The following ST6GALNAC3 variants were observed in gnomAD, a reference collection of about 807,000 sequenced individuals.
ST6GALNAC3 encodes the protein alpha-N-acetylgalactosaminide alpha-2,6-sialyltransferase 3.
In ST6GALNAC3, 25 loss-of-function variants were observed where a neutral mutation model predicts 32.7. The ratio of observed to expected loss-of-function variants is 0.76; its 90% confidence interval spans 0.56 to 1.07. ST6GALNAC3 has a LOEUF of 1.07. Ranked by LOEUF, ST6GALNAC3 falls within the 50% of genes least tolerant of loss-of-function variation. The pLI is 0.00. For missense variants in ST6GALNAC3, 355 were observed against 382.4 expected, an observed-to-expected ratio of 0.93 and a Z score of 0.60; for synonymous variants, 129 against 133.1, an observed-to-expected ratio of 0.97 and a Z score of 0.21.
chr1:76,092,803 G>A (rs548238916), intron 1 of ST6GALNAC3, among the ~76,000 whole-genome samples: 31 of 152,322 alleles, frequency 2.0e-4, no homozygotes, highest in African/African-American at 7.5e-4. Flanking sequence ...ATGGTGAGCA[G>A]CAGAGTTGAG....
intron 1 of ST6GALNAC3, among the ~76,000 whole-genome samples, chr1:76,160,500 C>T (rs1651739290): frequency 6.6e-6 from 1 of 152,106 alleles, no homozygotes; most frequent in Admixed American, 6.6e-5. Context: ...GGGGTTGGTG[C>T]TTCACAGAGT....
At chr1:76,220,947 G>C (rs761812665) in intron 1 of ST6GALNAC3, among the ~76,000 whole-genome samples, 4 of 152,170 alleles carry the variant, frequency 2.6e-5, no homozygotes, top group Non-Finnish European at 5.9e-5. Flanking sequence ...GGTAACAGTT[G>C]TCACATAGGT....
intron 3 of ST6GALNAC3, among the ~76,000 whole-genome samples, chr1:76,598,352 G>A (rs1647171145): frequency 6.6e-6 from 1 of 152,100 alleles, no homozygotes; most frequent in Non-Finnish European, 1.5e-5. Context: ...CAGACTCCAG[G>A]AGAGCAGGGA....
intron 3 of ST6GALNAC3, among the ~76,000 whole-genome samples, chr1:76,494,300 C>T (rs1371513750): frequency 1.3e-5 from 2 of 150,856 alleles, no homozygotes; most frequent in Admixed American, 6.6e-5. Flanking sequence ...GTTGGAGGAA[C>T]GTTTGATTTT....
chr1:76,599,474 G>A (rs1012146191), intron 3 of ST6GALNAC3, among the ~76,000 whole-genome samples: 13 of 150,026 alleles, frequency 8.7e-5, no homozygotes, highest in Non-Finnish European at 1.8e-4. Context: ...ACAGGCCCCA[G>A]TGTGTGATGT....
At chr1:76,128,262 A>C (rs534279051) in intron 1 of ST6GALNAC3, among the ~76,000 whole-genome samples, 2 of 152,214 alleles carry the variant, frequency 1.3e-5, no homozygotes, top group Non-Finnish European at 2.9e-5. Context: ...CCAGTCTCCC[A>C]TGGTTAGCAG....
At chr1:76,110,738 A>G (rs1182796543) in intron 1 of ST6GALNAC3, among the ~76,000 whole-genome samples, 1 of 152,250 alleles carries the variant, frequency 6.6e-6, no homozygotes. Context: ...AACAAGTTCA[A>G]TATAAAATGG....
chr1:76,437,726 C>T (rs1656251778), intron 3 of ST6GALNAC3, among the ~76,000 whole-genome samples: 1 of 151,712 alleles, frequency 6.6e-6, no homozygotes, highest in Non-Finnish European at 1.5e-5. Context: ...TACAGGCACG[C>T]ACCACTACGC....
chr1:76,290,626 G>T (rs529580073), intron 1 of ST6GALNAC3, among the ~76,000 whole-genome samples: 2 of 152,164 alleles, frequency 1.3e-5, no homozygotes, highest in Non-Finnish European at 2.9e-5. Context: ...TGAATAGCAT[G>T]TCCAGGACCA....
At chr1:76,278,491 G>A (rs1263978977) in intron 1 of ST6GALNAC3, among the ~76,000 whole-genome samples, 4 of 150,856 alleles carry the variant, frequency 2.7e-5, no homozygotes, top group African/African-American at 9.7e-5. Context: ...AAAGTACTGG[G>A]ATTATAGGCT....
intron 1 of ST6GALNAC3, among the ~76,000 whole-genome samples, chr1:76,252,490 C>T (rs1196136038): frequency 6.6e-6 from 1 of 152,092 alleles, no homozygotes; most frequent in Non-Finnish European, 1.5e-5. Flanking sequence ...TCTAACCAGC[C>T]TGGGAAAATA....
At chr1:76,354,586 T>C (rs185946539) in intron 2 of ST6GALNAC3, among the ~76,000 whole-genome samples, 2 of 152,340 alleles carry the variant, frequency 1.3e-5, no homozygotes, top group Admixed American at 6.5e-5. Flanking sequence ...GATGGGTTGG[T>C]TGGTTGGCTT....
At chr1:76,308,395 C>T in intron 1 of ST6GALNAC3, among the ~76,000 whole-genome samples, 1 of 152,092 alleles carries the variant, frequency 6.6e-6, no homozygotes, top group East Asian at 1.9e-4. Flanking sequence ...GTTTATATTG[C>T]ATATATGCCA....
At chr1:76,091,126 A>G (rs574401903) in intron 1 of ST6GALNAC3, among the ~76,000 whole-genome samples, 13 of 152,350 alleles carry the variant, frequency 8.5e-5, no homozygotes, top group Admixed American at 2.6e-4. Context: ...CTGGGCTAGG[A>G]TCTTGCACTG....
chr1:76,114,356 T>C (rs1179089463), intron 1 of ST6GALNAC3, among the ~76,000 whole-genome samples: 1 of 152,184 alleles, frequency 6.6e-6, no homozygotes, highest in Non-Finnish European at 1.5e-5. Context: ...TGAAATTCAT[T>C]ACTAATGTAG....
intron 3 of ST6GALNAC3, among the ~76,000 whole-genome samples, chr1:76,530,213 C>A (rs1663170148): frequency 6.6e-6 from 1 of 152,098 alleles, no homozygotes; most frequent in African/African-American, 2.4e-5. Flanking sequence ...TATTTCCGTT[C>A]TTCTGGTAAT....
intron 2 of ST6GALNAC3, among the ~76,000 whole-genome samples, chr1:76,347,156 G>A (rs1648590246): frequency 1.3e-5 from 2 of 152,184 alleles, no homozygotes; most frequent in South Asian, 4.1e-4. Flanking sequence ...CCTCTGCAAA[G>A]TTGATGTTAG....
At chr1:76,094,602 C>G (rs909175196) in intron 1 of ST6GALNAC3, among the ~76,000 whole-genome samples, 5 of 152,132 alleles carry the variant, frequency 3.3e-5, no homozygotes, top group African/African-American at 9.7e-5. Flanking sequence ...AACCTGTGTT[C>G]TTGATGGCAA....
chr1:76,098,769 T>C (rs2100768919), intron 1 of ST6GALNAC3, among the ~76,000 whole-genome samples: 1 of 152,274 alleles, frequency 6.6e-6, no homozygotes, highest in East Asian at 1.9e-4. Flanking sequence ...AACAAAACAA[T>C]TATACTACAG....
Sources: gnomAD v4.1 joint callset for allele counts (sites outside exome capture counted in the v4.1 genomes callset) on GRCh38, gnomAD v4.1.1 for gene constraint, MANE v1.5 for transcripts, NCBI Gene and HGNC (gene_info 2026-07-23, HGNC 2026-07-21) for gene names.